SUMF1: variants seen among roughly 807,000 people sequenced by gnomAD.
SUMF1 encodes sulfatase modifying factor 1, also known as formylglycine-generating enzyme.
SUMF1 carries 48 observed loss-of-function variants against 47.6 expected under a neutral mutation model. That is an observed-to-expected ratio of 1.01 (90% CI 0.80 to 1.28). The LOEUF is 1.28. SUMF1 is among the 50% of genes most tolerant of loss of function. The pLI is 0.00. For missense variants in SUMF1, 571 were observed against 485.4 expected (o/e 1.18, Z -1.66); for synonymous variants, 230 against 192.1 (o/e 1.20, Z -1.63).
Position 4,177,819 on chromosome 3 carries a change from G to C in SUMF1, c.1015-109074C>G, listed in dbSNP as rs557990156. Among the ~76,000 whole-genome samples the C allele has an allele frequency of 5.3e-4, 81 of 152,002 alleles. 1 individual carries two copies. Among genetic ancestry groups the C allele is most frequent in the African/African-American group, 1.8e-3 (75 of 41,448 alleles). ...CAAGAATGATAAAGAAGAAAAGAGA[G>C]AAGAATCAAATAGATGAAATAAAAA... On this transcript the variant is annotated intron_variant and NMD_transcript_variant, in intron 8 of 12. Coordinates refer to the SUMF1 transcript ENST00000448413.
chr3:4,432,638 A>G (rs1431257017), intron 3 of SUMF1, among the ~76,000 whole-genome samples: 1 of 152,178 alleles, frequency 6.6e-6, no homozygotes, highest in Non-Finnish European at 1.5e-5. Flanking sequence ...AATCCTATAA[A>G]TAAAAGACCC....
intron 7 of SUMF1, among the ~76,000 whole-genome samples, chr3:4,397,743 A>C (rs1288696160): frequency 1.3e-5 from 2 of 152,154 alleles, no homozygotes; most frequent in African/African-American, 2.4e-5. Context: ...TTATAATTGC[A>C]TGCTACCAGA....
chr3:4,311,628 A>C (rs533601754), intron 8 of SUMF1, among the ~76,000 whole-genome samples: 2 of 152,362 alleles, frequency 1.3e-5, no homozygotes, highest in Non-Finnish European at 2.9e-5. Flanking sequence ...CTATGTATCT[A>C]ATCATATATC....
intron 9 of SUMF1, among the ~76,000 whole-genome samples, chr3:4,035,168 C>T (rs557308128): frequency 4.5e-4 from 69 of 152,190 alleles, no homozygotes; most frequent in African/African-American, 1.7e-3. Flanking sequence ...ATGAAATAGG[C>T]TATGCATTAT....
At chr3:4,303,832 A>G (rs1293807477) in intron 8 of SUMF1, 3 of 1,353,706 alleles carry the variant, frequency 2.2e-6, no homozygotes, top group Non-Finnish European at 2.9e-6. Flanking sequence ...TCACGGGGGG[A>G]GTCATTTACC....
chr3:4,464,541 G>T (rs2079893341), intron 1 of SUMF1, among the ~76,000 whole-genome samples: 1 of 152,066 alleles, frequency 6.6e-6, no homozygotes, highest in Non-Finnish European at 1.5e-5. Context: ...GTGTTATATA[G>T]TAATGTGCCA....
intron 8 of SUMF1, among the ~76,000 whole-genome samples, chr3:4,104,095 T>C (rs1693100707): frequency 6.6e-6 from 1 of 152,148 alleles, no homozygotes; most frequent in Non-Finnish European, 1.5e-5. Flanking sequence ...AATCTCATCT[T>C]GAATTGTAGC....
chr3:4,083,153 C>T (rs1692602355), intron 8 of SUMF1, among the ~76,000 whole-genome samples: 1 of 152,132 alleles, frequency 6.6e-6, no homozygotes, highest in Admixed American at 6.5e-5. Flanking sequence ...TGCTGGGATG[C>T]AGCTGTGTTC....
rs73010769 is a variant in SUMF1 at position 4,129,132 on chromosome 3, G to A, written c.1015-60387C>T. Among the ~76,000 whole-genome samples the A allele has an allele frequency of 3.1e-3, 472 of 152,266 alleles. 3 individuals are homozygous for A. The highest frequency in any genetic ancestry group is 5.5e-3 in the Non-Finnish European group (374 of 68,018). On this transcript the variant is annotated intron_variant and NMD_transcript_variant, in intron 8 of 12. Transcript: ENST00000448413. ...AAACAGATTCGTGAGGGCAGCACTT[G>A]CATCTTTGAAGAGCCCTGTAATTGC...
intron 8 of SUMF1, among the ~76,000 whole-genome samples, chr3:4,217,908 T>C (rs946371844): frequency 6.6e-6 from 1 of 151,914 alleles, no homozygotes; most frequent in African/African-American, 2.4e-5. Flanking sequence ...TAAGGTCTGA[T>C]TTGGGACACC....
chr3:4,146,517 C>T (rs912821948), intron 8 of SUMF1, among the ~76,000 whole-genome samples: 2 of 151,910 alleles, frequency 1.3e-5, no homozygotes, highest in Non-Finnish European at 2.9e-5. Flanking sequence ...ATAGATAGCA[C>T]CAAGACTCTT....
intron 8 of SUMF1, among the ~76,000 whole-genome samples, chr3:4,312,418 T>C (rs138853735): frequency 6.4e-4 from 98 of 152,284 alleles, no homozygotes; most frequent in African/African-American, 2.3e-3. Context: ...ATTTTTCTTA[T>C]TGTCCTTATA....
At position 4,395,671 on chromosome 3, in the gene SUMF1, C is replaced by G. The variant is rs972598569; in HGVS notation, c.954+15194G>C. Reference sequence around the variant, plus strand: ...AAATGAATGAAAACAGTCATTTCCTCCATGCTACTTGTTTCACCCACACCA... The same window carrying G: ...AAATGAATGAAAACAGTCATTTCCTGCATGCTACTTGTTTCACCCACACCA... On this transcript the variant is annotated intron_variant, in intron 7 of 8. Transcript: ENST00000272902. Among the ~76,000 whole-genome samples the G allele has an allele frequency of 4.6e-5, 7 of 152,274 alleles. 1 individual carries two copies.
In SUMF1 at chr3:4,072,317, C is replaced by T. The variant is rs1466648926; in HGVS notation, c.1015-3572G>A. On this transcript the variant is annotated intron_variant and NMD_transcript_variant, in intron 8 of 12. Coordinates refer to the SUMF1 transcript ENST00000448413. Reference sequence around the variant, plus strand: ...CAAAAAGGACATCCACACCAAAACCCCATCTGTAGGTCACCAACATCAAAG... The same window carrying T: ...CAAAAAGGACATCCACACCAAAACCTCATCTGTAGGTCACCAACATCAAAG... Among the ~76,000 whole-genome samples the T allele has an allele frequency of 2.6e-5, 4 of 152,256 alleles. No homozygotes were observed. In the East Asian group the frequency reaches 5.8e-4, roughly 22 times the overall value.
At chr3:4,370,848 G>T (rs1168261348) in intron 8 of SUMF1, among the ~76,000 whole-genome samples, 1 of 152,074 alleles carries the variant, frequency 6.6e-6, no homozygotes, top group African/African-American at 2.4e-5. Flanking sequence ...ATAATGAAAA[G>T]TTTAAAATCA....
chr3:4,271,803 C>T (rs1245185683), intron 8 of SUMF1, among the ~76,000 whole-genome samples: 1 of 151,974 alleles, frequency 6.6e-6, no homozygotes, highest in Non-Finnish European at 1.5e-5. Flanking sequence ...TGGTCTATGC[C>T]ATCAATTTAA....
intron 1 of SUMF1, among the ~76,000 whole-genome samples, chr3:4,456,245 C>T (rs1703157448): frequency 6.6e-6 from 1 of 152,112 alleles, no homozygotes. Context: ...GAAAAGCCCA[C>T]AGCTAACATT....
At chr3:4,068,795 G>A (rs568455691) in intron 8 of SUMF1, 20 of 234,584 alleles carry the variant, frequency 8.5e-5, no homozygotes, top group African/African-American at 4.6e-4. Flanking sequence ...AACATGAATA[G>A]GTAATATTTA....
At chr3:4,435,076 A>C (rs139255514) in intron 3 of SUMF1, among the ~76,000 whole-genome samples, 3 of 152,120 alleles carry the variant, frequency 2.0e-5, no homozygotes, top group Non-Finnish European at 4.4e-5. Flanking sequence ...TACAGGCTGC[A>C]CCACCACACC....
Sources: gnomAD v4.1 joint callset for allele counts (sites outside exome capture counted in the v4.1 genomes callset) on GRCh38, gnomAD v4.1.1 for gene constraint, MANE v1.5 for transcripts, NCBI Gene and HGNC (gene_info 2026-07-23, HGNC 2026-07-21) for gene names.